IL1R1: variants seen among roughly 807,000 people sequenced by gnomAD.
IL1R1 encodes interleukin 1 receptor type 1, also known as interleukin-1 receptor type 1.
IL1R1 carries 22 observed loss-of-function variants against 50.2 expected under a neutral mutation model. That is an observed-to-expected ratio of 0.44 (90% CI 0.31 to 0.63). The LOEUF (loss-of-function observed/expected upper bound fraction) is 0.63, where lower values mean the gene tolerates loss of function less well. Ranked by LOEUF, IL1R1 falls within the 20% of genes least tolerant of loss-of-function variation. The pLI, the probability that IL1R1 is intolerant of heterozygous loss-of-function variation, is 0.07. For synonymous variants in IL1R1, 251 were observed against 236.7 expected (o/e 1.06, Z -0.55); for missense variants, 509 against 676.2 (o/e 0.75, Z 2.74).
At chr2:102,109,212 T>C (rs1451837637) in intron 1 of IL1R1, among the ~76,000 whole-genome samples, 1 of 152,174 alleles carries the variant, frequency 6.6e-6, no homozygotes, top group African/African-American at 2.4e-5. Context: ...GACTGAACTT[T>C]GGAGACAATG....
At position 102,175,150 on chromosome 2, in the gene IL1R1, T is replaced by TA. The variant is rs753490279; in HGVS notation, c.1136-319dup. Reference sequence around the variant, plus strand: ...AAAAAAAAAGGAATACCACAATATCTAAAAAAAAATGAATGGATAGAATTC... The same window carrying TA: ...AAAAAAAAAGGAATACCACAATATCTAAAAAAAAAATGAATGGATAGAATTC... On this transcript the variant is annotated intron_variant, in intron 10 of 11. Coordinates refer to ENST00000410023, the MANE Select transcript of IL1R1 (RefSeq NM_000877.4). Among the ~76,000 whole-genome samples the TA allele has an allele frequency of 2.4e-4, 36 of 149,820 alleles. 1 individual carries two copies. The highest frequency in any genetic ancestry group is 4.9e-4 in the African/African-American group (20 of 40,802).
Position 102,078,601 on chromosome 2 carries a change from A to ACACACACACACACAC in IL1R1, c.-84+8068_-84+8069insCACACACACACACAC, listed in dbSNP as rs1159929134. Among the ~76,000 whole-genome samples, 7 of 133,466 alleles carry ACACACACACACACAC rather than the reference A, an allele frequency of 5.2e-5. No individual in the cohort carries two copies. In the East Asian group the frequency reaches 1.3e-3, roughly 26 times the overall value. The allele number at this position is 133,466 out of a possible 152,430, so 87.6% of individuals were successfully genotyped here. ...ACACACACACACACACACACACACA[A>ACACACACACACACAC]GAAAAAAAAAAGGAAAAAAGCCCAT... On this transcript the variant is annotated intron_variant, in intron 1 of 11. Transcript: ENST00000409929.
Position 102,176,866 on chromosome 2 carries a change from A to G in IL1R1, c.*107A>G, listed in dbSNP as rs2104659766. On this transcript the variant is annotated 3_prime_UTR_variant, in exon 12 of 12. Coordinates refer to ENST00000410023, the MANE Select transcript of IL1R1 (RefSeq NM_000877.4). Reference sequence around the variant, plus strand: ...AGAGTTCATGGAATGTAACTATATCATCCTTTATCCCTGAGGTCACCTGGA... The same window carrying G: ...AGAGTTCATGGAATGTAACTATATCGTCCTTTATCCCTGAGGTCACCTGGA... 9.3e-7 allele frequency: 1 copy of G among 1,070,666 alleles called. No homozygotes were observed. Among genetic ancestry groups the G allele is most frequent in the Admixed American group, 2.2e-5 (1 of 44,786 alleles). 66.3% of individuals were successfully genotyped at this position (1,070,666 alleles called of 1,614,324 possible).
At chr2:102,072,225 A>G (rs1016170758) in intron 1 of IL1R1, among the ~76,000 whole-genome samples, 2 of 149,940 alleles carry the variant, frequency 1.3e-5, no homozygotes, top group African/African-American at 2.5e-5. Context: ...GTGCCATTGC[A>G]CTCCAGCCTG....
chr2:102,166,014 T>A, intron 5 of IL1R1, 99 bp from the exon 6 acceptor site: 1 of 993,132 alleles, frequency 1.0e-6, no homozygotes, highest in Non-Finnish European at 1.5e-6. Context: ...TCTAAAAATA[T>A]AACATTTGCT....
chr2:102,149,770 C>A (rs1683489085), intron 1 of IL1R1, among the ~76,000 whole-genome samples: 1 of 152,108 alleles, frequency 6.6e-6, no homozygotes, highest in Non-Finnish European at 1.5e-5. Flanking sequence ...AGGGCCCCTT[C>A]CAATATGGAA....
intron 1 of IL1R1, among the ~76,000 whole-genome samples, chr2:102,106,918 A>G (rs1303791444): frequency 6.6e-6 from 1 of 152,308 alleles, no homozygotes; most frequent in Non-Finnish European, 1.5e-5. Context: ...TCTTATTAAC[A>G]GTACTACAAC....
chr2:102,135,144 GT>G (rs5832997), intron 1 of IL1R1, among the ~76,000 whole-genome samples: 124,506 of 152,122 alleles, frequency 0.82, 51,476 homozygotes, highest in African/African-American at 0.93. Context: ...TCTAAAATCT[GT>G]TTTTTTTAAA....
At chr2:102,137,076 T>C (rs1321834319) in intron 1 of IL1R1, among the ~76,000 whole-genome samples, 1 of 152,208 alleles carries the variant, frequency 6.6e-6, no homozygotes. Flanking sequence ...TCAGCTTTTG[T>C]TTGCTGGTCA....
At chr2:102,112,972 A>G (rs1032287726) in intron 1 of IL1R1, among the ~76,000 whole-genome samples, 1 of 152,224 alleles carries the variant, frequency 6.6e-6, no homozygotes, top group Admixed American at 6.5e-5. Context: ...TGAGGATACA[A>G]TGAGAAGTCA....
chr2:102,092,164 C>G (rs955298461), intron 1 of IL1R1, among the ~76,000 whole-genome samples: 1 of 152,130 alleles, frequency 6.6e-6, no homozygotes, highest in Non-Finnish European at 1.5e-5. Flanking sequence ...CCCCACATAA[C>G]CATTAAAAGC....
At chr2:102,074,268 G>A (rs888261717) in intron 1 of IL1R1, among the ~76,000 whole-genome samples, 5 of 152,150 alleles carry the variant, frequency 3.3e-5, no homozygotes, top group South Asian at 2.1e-4. Flanking sequence ...TCCACATGAC[G>A]TGGTCTGGGG....
At chr2:102,095,319 T>C (rs185103853) in intron 1 of IL1R1, among the ~76,000 whole-genome samples, 2 of 152,348 alleles carry the variant, frequency 1.3e-5, no homozygotes, top group East Asian at 3.9e-4. Flanking sequence ...AGGAAGCCAA[T>C]TTATCTGTTA....
chr2:102,072,805 G>A (rs560013595), intron 1 of IL1R1, among the ~76,000 whole-genome samples: 8 of 151,722 alleles, frequency 5.3e-5, no homozygotes, highest in South Asian at 2.1e-4. Flanking sequence ...AAAAGTTTTC[G>A]CTTTTTTGTA....
chr2:102,145,426 C>T (rs1330015896), intron 1 of IL1R1, among the ~76,000 whole-genome samples: 1 of 152,138 alleles, frequency 6.6e-6, no homozygotes, highest in East Asian at 1.9e-4. Flanking sequence ...AGTTATCTCA[C>T]CAGGTACTGA....
intron 1 of IL1R1, among the ~76,000 whole-genome samples, chr2:102,120,156 GAA>G (rs917801416): frequency 1.1e-4 from 16 of 152,224 alleles, no homozygotes; most frequent in Admixed American, 6.5e-4. Flanking sequence ...TGAAAAAAGT[GAA>G]AAGTCTTTAG....
At chr2:102,105,137 T>C (rs934450637) in intron 1 of IL1R1, among the ~76,000 whole-genome samples, 10 of 152,200 alleles carry the variant, frequency 6.6e-5, no homozygotes, top group Non-Finnish European at 4.4e-5. Flanking sequence ...ATGAAACATA[T>C]GGGAAATATA....
chr2:102,179,162 A>T lies in IL1R1; in HGVS notation c.*2403A>T, dbSNP rs767266313. ...GCCTATTAGATGTTTTACAAATTTA[A>T]TTTTGCAGATTATTTTAGTCTGTCA... is the stretch of plus-strand genomic sequence containing the variant. On this transcript the variant is annotated 3_prime_UTR_variant, in exon 12 of 12. Coordinates refer to ENST00000410023, the MANE Select transcript of IL1R1 (RefSeq NM_000877.4). The T allele has an allele frequency of 2.0e-5, 3 of 152,330 alleles. No individual in the cohort carries two copies. Among genetic ancestry groups the T allele is most frequent in the African/African-American group, 7.2e-5 (3 of 41,424 alleles). The allele number at this position is 152,330 out of a possible 1,614,324, so 9.4% of individuals were successfully genotyped here.
chr2:102,166,211 T>C lies in IL1R1; in HGVS notation c.585T>C (p.Thr195=), dbSNP rs1046450194. The change falls in exon 6 of 12, where the codon ACT becomes ACC. Residue 195 remains threonine, a synonymous_variant. Transcript: ENST00000410023. Reference sequence around the variant, plus strand: ...CTGAAAAGCATAGAGGGAACTATACTTGTCATGCATCCTACACATACTTGG... The same window carrying C: ...CTGAAAAGCATAGAGGGAACTATACCTGTCATGCATCCTACACATACTTGG... ...NVAEKHRGNY[T]CHASYTYLGK... The C allele has an allele frequency of 1.2e-6, 2 of 1,613,858 alleles. No individual in the cohort carries two copies. The highest frequency in any genetic ancestry group is 8.5e-7 in the Non-Finnish European group (1 of 1,179,816).
Sources: allele counts gnomAD v4.1 joint callset (sites outside exome capture counted in the v4.1 genomes callset), GRCh38; gene constraint gnomAD v4.1.1; transcripts MANE v1.5; gene names NCBI Gene and HGNC (gene_info 2026-07-23, HGNC 2026-07-21).